Variants in RAB38 observed in about 807,000 individuals in gnomAD.
RAB38 encodes the protein RAB38, member RAS oncogene family.
In RAB38, 15 loss-of-function variants were observed where a neutral mutation model predicts 18.4. That is an observed-to-expected ratio of 0.82 (90% CI 0.55 to 1.26). The LOEUF (loss-of-function observed/expected upper bound fraction) is 1.26, where lower values mean the gene tolerates loss of function less well. Among genes scored for constraint, RAB38 ranks in the 50% most tolerant of loss-of-function variants. The pLI, the probability that RAB38 is intolerant of heterozygous loss-of-function variation, is 0.00. For synonymous variants in RAB38, 101 were observed against 104.4 expected (o/e 0.97, Z 0.20); for missense variants, 294 against 267.4 (o/e 1.10, Z -0.69).
intron 1 of RAB38, among the ~76,000 whole-genome samples, chr11:88,170,707 A>G (rs879682594): frequency 6.6e-6 from 1 of 152,198 alleles, no homozygotes; most frequent in Non-Finnish European, 1.5e-5. Flanking sequence ...CCTTGAGTGG[A>G]AATATTTTTC....
chr11:87,939,198 C>T, the RAB38 span, among the ~76,000 whole-genome samples: 18 of 152,016 alleles, frequency 1.2e-4, no homozygotes, highest in African/African-American at 4.3e-4. Context: ...AGAATGTTGG[C>T]TATAGGATGA....
the RAB38 span, among the ~76,000 whole-genome samples, chr11:87,855,057 A>C: frequency 6.6e-6 from 1 of 152,088 alleles, no homozygotes; most frequent in Non-Finnish European, 1.5e-5. Context: ...GGCCTCCCAA[A>C]GTGCTGGGAT....
the RAB38 span, among the ~76,000 whole-genome samples, chr11:87,908,182 C>T: frequency 6.6e-6 from 1 of 151,816 alleles, no homozygotes; most frequent in Non-Finnish European, 1.5e-5. Flanking sequence ...TCTGTGTGCT[C>T]AACTGCAAGT....
chr11:88,086,408 T>A, the RAB38 span, among the ~76,000 whole-genome samples: 2 of 151,944 alleles, frequency 1.3e-5, no homozygotes, highest in African/African-American at 4.8e-5. Flanking sequence ...GGTATTGATA[T>A]AACCACTTTC....
intron 1 of RAB38, among the ~76,000 whole-genome samples, chr11:88,157,288 G>T (rs1943138787): frequency 6.6e-6 from 1 of 152,144 alleles, no homozygotes; most frequent in South Asian, 2.1e-4. Context: ...TCGACAATAA[G>T]ACTTAACTGT....
At chr11:87,904,582 AT>A in the RAB38 span, among the ~76,000 whole-genome samples, 1 of 151,382 alleles carries the variant, frequency 6.6e-6, no homozygotes, top group Non-Finnish European at 1.5e-5. Flanking sequence ...TGGTAAAATG[AT>A]TTTTTTTAAT....
the RAB38 span, among the ~76,000 whole-genome samples, chr11:87,831,884 T>C: frequency 6.6e-6 from 1 of 152,164 alleles, no homozygotes; most frequent in African/African-American, 2.4e-5. Flanking sequence ...CATTAGGACA[T>C]TACTATTAGC....
chr11:87,948,697 T>C, the RAB38 span, among the ~76,000 whole-genome samples: 2 of 145,302 alleles, frequency 1.4e-5, no homozygotes, highest in Admixed American at 6.9e-5. Context: ...CTGGATTTAT[T>C]GATTTGCGTA....
At chr11:88,143,081 G>A (rs980003147) in intron 2 of RAB38, among the ~76,000 whole-genome samples, 1 of 152,198 alleles carries the variant, frequency 6.6e-6, no homozygotes, top group Non-Finnish European at 1.5e-5. Flanking sequence ...GTGCAATGTG[G>A]TGGTTGGGTG....
At chr11:87,866,510 T>A in the RAB38 span, among the ~76,000 whole-genome samples, 8 of 151,870 alleles carry the variant, frequency 5.3e-5, no homozygotes, top group East Asian at 1.6e-3. Context: ...ATGAGCTGAA[T>A]TCTATTATTG....
At chr11:88,161,282 G>T (rs1196285827) in intron 1 of RAB38, among the ~76,000 whole-genome samples, 2 of 151,834 alleles carry the variant, frequency 1.3e-5, no homozygotes, top group African/African-American at 4.8e-5. Flanking sequence ...AAATCTTTGT[G>T]CCCAAAGCCT....
At chr11:88,160,759 C>T (rs302654) in intron 1 of RAB38, among the ~76,000 whole-genome samples, 152,094 of 152,250 alleles carry the variant, frequency 1, 75,970 homozygotes, top group Non-Finnish European at 1. Context: ...ATGTCCTCAC[C>T]TATAAGTGGG....
the RAB38 span, among the ~76,000 whole-genome samples, chr11:87,904,254 C>T: frequency 6.6e-6 from 1 of 151,636 alleles, no homozygotes; most frequent in Non-Finnish European, 1.5e-5. Context: ...TCCTCTCCCC[C>T]TCAGTAGTTC....
chr11:87,878,298 CTACCTATCATCTAT>C, the RAB38 span, among the ~76,000 whole-genome samples: 1 of 142,960 alleles, frequency 7.0e-6, no homozygotes, highest in Admixed American at 7.2e-5. Flanking sequence ...ATCTATCTAT[CTACCTATCATCTAT>C]CTATCATCTA....
chr11:88,110,795 T>C (rs1942463747), downstream of RAB38, among the ~76,000 whole-genome samples: 2 of 138,176 alleles, frequency 1.4e-5, no homozygotes, highest in African/African-American at 5.6e-5. Context: ...GCCTGGGCAA[T>C]ACAGTGAGAC....
chr11:87,959,880 C>T, the RAB38 span, among the ~76,000 whole-genome samples: 2 of 152,140 alleles, frequency 1.3e-5, no homozygotes, highest in African/African-American at 4.8e-5. Flanking sequence ...AAAAGAGCCA[C>T]AAACTTACTC....
chr11:87,944,348 T>C, the RAB38 span, among the ~76,000 whole-genome samples: 1 of 152,142 alleles, frequency 6.6e-6, no homozygotes, highest in East Asian at 1.9e-4. Flanking sequence ...CGTTTGTATT[T>C]GGGTTAGGTG....
the RAB38 span, among the ~76,000 whole-genome samples, chr11:88,093,985 G>GCT: frequency 6.6e-6 from 1 of 151,750 alleles, no homozygotes; most frequent in Non-Finnish European, 1.5e-5. Context: ...AGCCACTCCT[G>GCT]CATCATTGCT....
chr11:88,093,891 A>T, the RAB38 span, among the ~76,000 whole-genome samples: 1 of 151,864 alleles, frequency 6.6e-6, no homozygotes, highest in East Asian at 1.9e-4. Flanking sequence ...TGTCCTACCC[A>T]CTTTTTCTAA....
Sources: gnomAD v4.1 joint callset for allele counts (sites outside exome capture counted in the v4.1 genomes callset) on GRCh38, gnomAD v4.1.1 for gene constraint, MANE v1.5 for transcripts, NCBI Gene and HGNC (gene_info 2026-07-23, HGNC 2026-07-21) for gene names.